The following PAN3 variants were observed in gnomAD, a reference collection of about 807,000 sequenced individuals.
The protein encoded by PAN3 is PAN2-PAN3 deadenylation complex subunit PAN3.
In PAN3, 19 loss-of-function variants were observed where a neutral mutation model predicts 96.2. The observed-to-expected ratio is 0.20, with a 90% confidence interval of 0.14 to 0.29. PAN3 has a LOEUF of 0.29. PAN3 is among the 10% of genes least tolerant of loss of function. The probability of loss-of-function intolerance (pLI) is 1.00; values close to 1 mark genes in which losing one functional copy is unlikely to be tolerated. For missense variants in PAN3, 882 were observed against 1,108.1 expected, an observed-to-expected ratio of 0.80 and a Z score of 2.90; for synonymous variants, 433 against 406.6, an observed-to-expected ratio of 1.06 and a Z score of -0.78.
intron 6 of PAN3, among the ~76,000 whole-genome samples, chr13:28,231,151 T>G (rs370477499): frequency 1.3e-5 from 2 of 152,330 alleles, no homozygotes; most frequent in South Asian, 4.1e-4. Context: ...AAAACCCTGA[T>G]GCTGGTTTTT....
At chr13:28,164,321 C>T (rs1031876291) in intron 1 of PAN3, among the ~76,000 whole-genome samples, 2 of 152,134 alleles carry the variant, frequency 1.3e-5, no homozygotes, top group African/African-American at 4.8e-5. Flanking sequence ...TTGCCCAAGA[C>T]TTTGTGGCCA....
intron 6 of PAN3, among the ~76,000 whole-genome samples, chr13:28,252,863 A>G (rs1406836531): frequency 6.6e-6 from 1 of 152,070 alleles, no homozygotes; most frequent in African/African-American, 2.4e-5. Context: ...TGTTATGCTG[A>G]TCTTCTATGT....
intron 18 of PAN3, 122 bp from the exon 19 acceptor site, chr13:28,292,260 T>C: frequency 1.0e-6 from 1 of 992,650 alleles, no homozygotes; most frequent in Non-Finnish European, 1.4e-6. Context: ...AATGTACTCA[T>C]GGATATCTGA....
chr13:28,217,514 G>A (rs1231420108), intron 5 of PAN3, among the ~76,000 whole-genome samples: 5 of 151,718 alleles, frequency 3.3e-5, no homozygotes, highest in East Asian at 1.9e-4. Flanking sequence ...CCTGCGAGGC[G>A]GAAGTTGCAG....
At chr13:28,144,339 T>C (rs1297972162) in intron 1 of PAN3, among the ~76,000 whole-genome samples, 1 of 150,078 alleles carries the variant, frequency 6.7e-6, no homozygotes, top group Non-Finnish European at 1.5e-5. Context: ...CTCAGCCTCC[T>C]GAGTAGCTGG....
chr13:28,139,499 T>G, intron 1 of PAN3, among the ~76,000 whole-genome samples: 3 of 94,646 alleles, frequency 3.2e-5, no homozygotes, highest in Admixed American at 1.3e-4. Flanking sequence ...GGTTCCCTAG[T>G]GGGGAGGGGT....
intron 1 of PAN3, among the ~76,000 whole-genome samples, chr13:28,165,166 A>G (rs531831061): frequency 9.7e-4 from 147 of 152,320 alleles, no homozygotes; most frequent in African/African-American, 3.4e-3. Flanking sequence ...TTGGCCTCCC[A>G]AAGTGCTGGG....
chr13:28,280,337 C>G, intron 15 of PAN3, 75 bp from the exon 16 acceptor site: 5 of 1,467,794 alleles, frequency 3.4e-6, no homozygotes, highest in Non-Finnish European at 2.7e-6. Context: ...GCAGCCAAAA[C>G]AGCTATGTTT....
chr13:28,239,137 A>ACC (rs1339308407), intron 6 of PAN3, among the ~76,000 whole-genome samples: 1 of 46,282 alleles, frequency 2.2e-5, no homozygotes, highest in Non-Finnish European at 4.0e-5. Context: ...TTTTAATCCC[A>ACC]CCCCCCCCAC....
chr13:28,139,723 TTAGAG>T (rs1330751996), intron 1 of PAN3, among the ~76,000 whole-genome samples: 3 of 151,806 alleles, frequency 2.0e-5, no homozygotes, highest in Admixed American at 1.3e-4. Flanking sequence ...AATCGAGAGT[TTAGAG>T]TAGGGATTTC....
rs566930446 is a variant in PAN3, at chr13:28,272,062, C to T, written c.2040C>T (p.Ala680=). 4.5e-6 allele frequency: 7 copies of T among 1,558,880 alleles called. No individual in the cohort carries two copies. Among genetic ancestry groups the T allele is most frequent in the Non-Finnish European group, 6.2e-6 (7 of 1,137,770 alleles). ...SQNNNPLALM[A]QYQQADLISL... ...ATAATAATCCATTGGCATTAATGGC[C>T]CAGTACCAGGTGAGTAAGAATTAAC... is the stretch of plus-strand genomic sequence containing the variant. The change falls in exon 14 of 19, where the codon GCC becomes GCT. Residue 680 remains alanine (A), a synonymous_variant. Transcript: ENST00000380958.
At chr13:28,191,659 C>T (rs546996485) in intron 4 of PAN3, among the ~76,000 whole-genome samples, 10 of 152,326 alleles carry the variant, frequency 6.6e-5, no homozygotes, top group Non-Finnish European at 5.9e-5. Context: ...CCAATTCTTC[C>T]TCCACACTGC....
At chr13:28,280,914 A>G (rs1887423935) in intron 16 of PAN3, among the ~76,000 whole-genome samples, 1 of 152,210 alleles carries the variant, frequency 6.6e-6, no homozygotes, top group South Asian at 2.1e-4. Context: ...GTGTATATAA[A>G]TAGACACAAA....
At chr13:28,277,989 TA>T (rs1887193668) in intron 15 of PAN3, among the ~76,000 whole-genome samples, 1 of 152,250 alleles carries the variant, frequency 6.6e-6, no homozygotes, top group Non-Finnish European at 1.5e-5. Context: ...TTGTGTGGAC[TA>T]CTGTCACAAC....
chr13:28,270,778 C>G lies in PAN3; in HGVS notation c.1870C>G (p.Leu624Val), dbSNP rs763701649. Residue 624 changes from leucine (L) to valine (V), a missense_variant, in exon 13 of 19, where the codon CTA (leucine) becomes GTA (valine). By Grantham distance (32) the Leu-to-Val change is conservative (BLOSUM62 1). Coordinates refer to ENST00000380958, the MANE Select transcript of PAN3 (RefSeq NM_175854.8). ...TCTTATTTGGGCATATATTGTCCAA[C>G]TAAGTTCTGCATTGCGTACCATTCA... is the stretch of plus-strand genomic sequence containing the variant. ...ESLIWAYIVQ[L>V]SSALRTIHTA... The G allele has an allele frequency of 1.9e-6, 3 of 1,613,946 alleles. No individual in the cohort carries two copies. Among genetic ancestry groups the G allele is most frequent in the South Asian group, 1.1e-5 (1 of 91,076 alleles).
intron 7 of PAN3, among the ~76,000 whole-genome samples, chr13:28,256,821 C>T (rs1885187009): frequency 6.6e-6 from 1 of 152,046 alleles, no homozygotes; most frequent in Non-Finnish European, 1.5e-5. Flanking sequence ...TATGGGTTTA[C>T]CTTGTACTAG....
chr13:28,173,400 C>T (rs1438655127), intron 1 of PAN3, among the ~76,000 whole-genome samples: 3 of 151,820 alleles, frequency 2.0e-5, no homozygotes, highest in African/African-American at 4.8e-5. Context: ...TTGTAATCAC[C>T]AAAAGATATG....
intron 4 of PAN3, among the ~76,000 whole-genome samples, chr13:28,186,651 A>G (rs529430312): frequency 3.9e-5 from 6 of 152,352 alleles, no homozygotes; most frequent in South Asian, 4.1e-4. Context: ...TACACATACA[A>G]GTTAAATAAA....
At chr13:28,180,829 T>C (rs1335404919) in intron 4 of PAN3, among the ~76,000 whole-genome samples, 1 of 152,156 alleles carries the variant, frequency 6.6e-6, no homozygotes, top group Non-Finnish European at 1.5e-5. Context: ...CTATATGCTA[T>C]GTGGACAAAT....
Sources: gnomAD v4.1 joint callset for allele counts (sites outside exome capture counted in the v4.1 genomes callset) on GRCh38, gnomAD v4.1.1 for gene constraint, MANE v1.5 for transcripts, NCBI Gene and HGNC (gene_info 2026-07-23, HGNC 2026-07-21) for gene names.